COMMD1: variants seen among roughly 807,000 people sequenced by gnomAD.
COMMD1 encodes COMM domain-containing protein 1.
In COMMD1, 10 loss-of-function variants were observed where a neutral mutation model predicts 17.2. The ratio of observed to expected loss-of-function variants is 0.58; its 90% CI spans 0.36 to 0.99. The LOEUF is 0.99. Among genes scored for constraint, COMMD1 ranks in the 50% least tolerant of loss-of-function variants. The probability of loss-of-function intolerance (pLI) is 0.01; values close to 1 mark genes in which losing one functional copy is unlikely to be tolerated. For missense variants in COMMD1, 270 were observed against 231.8 expected (o/e 1.17, Z -1.07); for synonymous variants, 97 against 91.6 (o/e 1.06, Z -0.34).
At chr2:61,908,287 C>T (rs184637425) in intron 1 of COMMD1, among the ~76,000 whole-genome samples, 73 of 145,178 alleles carry the variant, frequency 5.0e-4, no homozygotes, top group African/African-American at 1.6e-3. Context: ...AGTGCAGTGG[C>T]GCCATCTCGG....
At chr2:61,966,195 G>A (rs969192150) in intron 1 of COMMD1, among the ~76,000 whole-genome samples, 6 of 151,834 alleles carry the variant, frequency 4.0e-5, no homozygotes, top group Non-Finnish European at 5.9e-5. Context: ...TCCACCTATC[G>A]CCAGATTTGG....
Position 62,131,092 on chromosome 2 carries a change from C to T in COMMD1, c.463-4739C>T, listed in dbSNP as rs79612311. ...TTTGTTGGTTTGGAGAGGGAATCCT[C>T]TCACGGATTTTGTCATAGGATTTTG... On this transcript the variant is annotated intron_variant, in intron 2 of 2. Coordinates refer to ENST00000311832, the MANE Select transcript of COMMD1 (RefSeq NM_152516.4). Among the ~76,000 whole-genome samples, 10 of 152,298 alleles carry T rather than the reference C, an allele frequency of 6.6e-5. No homozygotes were observed. In the East Asian group the frequency reaches 1.9e-3, roughly 29 times the overall value.
chr2:62,105,622 G>C (rs183895468), intron 2 of COMMD1, among the ~76,000 whole-genome samples: 17 of 152,278 alleles, frequency 1.1e-4, no homozygotes, highest in East Asian at 1.9e-4. Context: ...TCAGAAGTTC[G>C]AGACAAGCCT....
chr2:62,121,231 G>GTGT (rs1672733857), intron 2 of COMMD1, among the ~76,000 whole-genome samples: 1 of 151,424 alleles, frequency 6.6e-6, no homozygotes, highest in African/African-American at 2.4e-5. Context: ...TTAACTGGGC[G>GTGT]TGGTGGCATT....
At chr2:62,019,026 C>T (rs1411725928) in intron 2 of COMMD1, among the ~76,000 whole-genome samples, 2 of 140,232 alleles carry the variant, frequency 1.4e-5, no homozygotes, top group Non-Finnish European at 3.0e-5. Flanking sequence ...AACCAACTTC[C>T]CTCCCTCCCT....
chr2:62,080,795 T>C (rs1367813840), intron 2 of COMMD1, among the ~76,000 whole-genome samples: 1 of 152,018 alleles, frequency 6.6e-6, no homozygotes. Context: ...ATTTTTTTTT[T>C]TTTTTTTACC....
chr2:62,069,006 C>T (rs561867717), intron 2 of COMMD1, among the ~76,000 whole-genome samples: 10 of 152,178 alleles, frequency 6.6e-5, no homozygotes, highest in African/African-American at 2.2e-4. Context: ...GAGAATACCA[C>T]TGTCAATCAA....
chr2:61,959,538 C>T (rs142796634), intron 1 of COMMD1, among the ~76,000 whole-genome samples: 425 of 152,248 alleles, frequency 2.8e-3, no homozygotes, highest in African/African-American at 9.5e-3. Flanking sequence ...GATATTTCCC[C>T]ATTTTACAGA....
chr2:61,942,130 G>A (rs376665752), intron 1 of COMMD1, among the ~76,000 whole-genome samples: 1 of 152,292 alleles, frequency 6.6e-6, no homozygotes, highest in East Asian at 1.9e-4. Flanking sequence ...TTTTGAGACA[G>A]TCTTGCTCTG....
chr2:61,982,948 A>C (rs1671997233), intron 1 of COMMD1, among the ~76,000 whole-genome samples: 2 of 152,092 alleles, frequency 1.3e-5, no homozygotes, highest in Admixed American at 6.5e-5. Flanking sequence ...TTTTGCATTA[A>C]TGTTCATCAG....
intron 2 of COMMD1, among the ~76,000 whole-genome samples, chr2:62,011,226 TAATAC>T (rs1410372490): frequency 6.6e-6 from 1 of 152,212 alleles, no homozygotes; most frequent in African/African-American, 2.4e-5. Context: ...TGACAATGTA[TAATAC>T]AATAAACTAT....
chr2:62,055,402 T>A lies in COMMD1; in HGVS notation c.462+54420T>A, dbSNP rs543594336. 46 of 455,866 alleles carry A rather than the reference T, an allele frequency of 1.0e-4. 1 individual carries two copies. Among genetic ancestry groups the A allele is most frequent in the South Asian group, 7.1e-4 (46 of 64,534 alleles). 28.2% of individuals were successfully genotyped at this position (455,866 alleles called of 1,614,324 possible). A position where few individuals can be genotyped will look rare whatever the true frequency, so the allele number is the denominator to read the frequency against. On this transcript the variant is annotated intron_variant, in intron 2 of 2. Transcript: ENST00000311832. The stretch of plus-strand genomic sequence containing the variant: ...ACTGCCAGCAAAAAAGAAAGCTGCA[T>A]TGAAAAGAAAATACCAAGAGTTCTA...
At chr2:61,915,321 CT>C (rs1262662649) in intron 1 of COMMD1, among the ~76,000 whole-genome samples, 3 of 151,818 alleles carry the variant, frequency 2.0e-5, no homozygotes, top group African/African-American at 7.3e-5. Flanking sequence ...TATTTTATCT[CT>C]TTTTTTCTAT....
At chr2:62,113,757 T>C (rs2104051929) in intron 2 of COMMD1, among the ~76,000 whole-genome samples, 1 of 152,394 alleles carries the variant, frequency 6.6e-6, no homozygotes, top group African/African-American at 2.4e-5. Flanking sequence ...GTCATCACAT[T>C]GATTTAGCCT....
chr2:61,909,370 A>C (rs1669848674), intron 1 of COMMD1, among the ~76,000 whole-genome samples: 2 of 152,208 alleles, frequency 1.3e-5, no homozygotes, highest in African/African-American at 2.4e-5. Flanking sequence ...AGATTAAGAG[A>C]TATCAGTTCT....
intron 2 of COMMD1, among the ~76,000 whole-genome samples, chr2:62,009,309 A>G (rs1669213796): frequency 6.6e-6 from 1 of 152,150 alleles, no homozygotes; most frequent in South Asian, 2.1e-4. Flanking sequence ...TATAAGAGAA[A>G]AAAGAAAGAA....
intron 1 of COMMD1, among the ~76,000 whole-genome samples, chr2:61,923,588 T>G (rs1404499583): frequency 6.6e-6 from 1 of 151,848 alleles, no homozygotes; most frequent in African/African-American, 2.4e-5. Flanking sequence ...AGTATAGAAA[T>G]GTGTGTTGAG....
chr2:62,077,075 G>A (rs568418610), intron 2 of COMMD1, among the ~76,000 whole-genome samples: 1 of 152,274 alleles, frequency 6.6e-6, no homozygotes, highest in African/African-American at 2.4e-5. Context: ...AGGCTGCAGT[G>A]TGCTATGATT....
chr2:62,013,324 G>T (rs1669341185), intron 2 of COMMD1, among the ~76,000 whole-genome samples: 1 of 151,940 alleles, frequency 6.6e-6, no homozygotes, highest in Non-Finnish European at 1.5e-5. Context: ...ATAAGATGAG[G>T]TATTCAGAAA....
Sources: allele counts gnomAD v4.1 joint callset (sites outside exome capture counted in the v4.1 genomes callset), GRCh38; gene constraint gnomAD v4.1.1; transcripts MANE v1.5; gene names NCBI Gene and HGNC (gene_info 2026-07-23, HGNC 2026-07-21).